ANO1: variants seen among roughly 807,000 people sequenced by gnomAD.
ANO1 encodes anoctamin-1.
In ANO1, 59 loss-of-function variants were observed where a neutral mutation model predicts 124.0. That is an observed-to-expected ratio of 0.48 (90% CI 0.39 to 0.59). The LOEUF (loss-of-function observed/expected upper bound fraction) is 0.59. Among genes scored for constraint, ANO1 ranks in the 20% least tolerant of loss-of-function variants. ANO1 has a pLI of 0.00. For synonymous variants in ANO1, 529 were observed against 532.0 expected (o/e 0.99, Z 0.08); for missense variants, 1,059 against 1,328.0 (o/e 0.80, Z 3.15).
intron 22 of ANO1, among the ~76,000 whole-genome samples, chr11:70,175,530 A>T (rs999519645): frequency 6.6e-6 from 1 of 152,232 alleles, no homozygotes; most frequent in Non-Finnish European, 1.5e-5. Flanking sequence ...CCTGTCGTCC[A>T]GCGGGTCACA....
chr11:70,061,047 G>C (rs144863315), intron 1 of ANO1, among the ~76,000 whole-genome samples: 16 of 152,296 alleles, frequency 1.1e-4, no homozygotes, highest in African/African-American at 3.9e-4. Flanking sequence ...CAACGCCTAA[G>C]AACTAAAGAA....
intron 2 of ANO1, among the ~76,000 whole-genome samples, chr11:70,090,302 T>A (rs1262203103): frequency 6.6e-6 from 1 of 152,192 alleles, no homozygotes; most frequent in Non-Finnish European, 1.5e-5. Context: ...CCACCGCGCC[T>A]GGCCCCTCCC....
chr11:70,068,186 A>G (rs1257572035), intron 1 of ANO1, among the ~76,000 whole-genome samples: 2 of 152,148 alleles, frequency 1.3e-5, no homozygotes, highest in Non-Finnish European at 2.9e-5. Flanking sequence ...TGTTAAGACA[A>G]CAACTCCATC....
At chr11:69,974,659 A>G in the ANO1 span, among the ~76,000 whole-genome samples, 1 of 152,148 alleles carries the variant, frequency 6.6e-6, no homozygotes, top group Non-Finnish European at 1.5e-5. Context: ...ACCTCCCCAC[A>G]TTGTCTCTGA....
chr11:70,070,794 G>A lies in ANO1; in HGVS notation c.59-7748G>A, dbSNP rs575737302. 2.0e-5 allele frequency among the ~76,000 whole-genome samples: 3 copies of A among 152,340 alleles called. No individual in the cohort carries two copies. In the South Asian group the frequency reaches 6.2e-4, roughly 32 times the overall value. ...ACTTGAGCGAATGAATGAGTATGTA[G>A]CTGAATGAACCCCTCACTCTACCAG... On this transcript the variant is annotated intron_variant, in intron 1 of 27. Transcript: ENST00000531349.
intron 1 of ANO1, among the ~76,000 whole-genome samples, chr11:70,024,316 G>T (rs1432415459): frequency 6.6e-6 from 1 of 152,198 alleles, no homozygotes; most frequent in African/African-American, 2.4e-5. Context: ...ATCTGGAGCG[G>T]GGGGACACAT....
Position 70,163,297 on chromosome 11 carries a change from C to A in ANO1, c.1907C>A (p.Pro636Gln). ...AFFKGRFVGR[P>Q]GDYVYIFRSF... ...CATCGTTTCAGGTTTGTTGGACGCC[C>A]GGGCGACTACGTGTACATTTTCCGT... Residue 636 changes from proline to glutamine, a missense_variant, in exon 19 of 26, where the codon CCG (proline) becomes CAG (glutamine). Pro to Gln is a moderately conservative substitution (Grantham distance 76). Around this residue, in one of 2 missense-constraint regions of ANO1, gnomAD observed 809 missense variants for 1,094.9 expected, o/e 0.74. Transcript: ENST00000355303. 1 of 1,613,772 alleles carries A rather than the reference C, an allele frequency of 6.2e-7. No individual in the cohort carries two copies. The highest frequency in any genetic ancestry group is 8.5e-7 in the Non-Finnish European group (1 of 1,179,868).
intron 1 of ANO1, among the ~76,000 whole-genome samples, chr11:70,087,108 G>A (rs1254986680): frequency 6.6e-6 from 1 of 152,178 alleles, no homozygotes; most frequent in Admixed American, 6.5e-5. Context: ...TTTGTTGCTG[G>A]GGGATATTTT....
intron 11 of ANO1, among the ~76,000 whole-genome samples, chr11:70,139,868 G>A (rs2047085346): frequency 6.6e-6 from 1 of 152,198 alleles, no homozygotes; most frequent in Non-Finnish European, 1.5e-5. Context: ...TACTCCGCGG[G>A]CATTACTAAC....
chr11:70,144,199 G>A (rs991889877), intron 11 of ANO1, among the ~76,000 whole-genome samples: 1 of 152,138 alleles, frequency 6.6e-6, no homozygotes, highest in African/African-American at 2.4e-5. Flanking sequence ...ACAAAATGTA[G>A]CCTCTGTCCT....
chr11:69,986,661 A>G (rs1856048934), intron 1 of ANO1, among the ~76,000 whole-genome samples: 1 of 150,700 alleles, frequency 6.6e-6, no homozygotes, highest in African/African-American at 2.5e-5. Context: ...ACTGAGAGGA[A>G]CTTAGAGAGC....
At chr11:70,127,150 G>A in intron 10 of ANO1, among the ~76,000 whole-genome samples, 1 of 149,380 alleles carries the variant, frequency 6.7e-6, no homozygotes, top group Non-Finnish European at 1.5e-5. Flanking sequence ...AACGCTAGAG[G>A]CTTCGGTGCA....
chr11:70,028,351 T>C (rs1288670344), intron 1 of ANO1, among the ~76,000 whole-genome samples: 1 of 152,196 alleles, frequency 6.6e-6, no homozygotes, highest in Non-Finnish European at 1.5e-5. Flanking sequence ...CCTCAGTCCA[T>C]GTCCGGATGT....
intron 22 of ANO1, among the ~76,000 whole-genome samples, chr11:70,173,586 T>A (rs140988234): frequency 5.1e-4 from 78 of 152,116 alleles, no homozygotes; most frequent in African/African-American, 1.8e-3. Context: ...AAGGGTAGAG[T>A]GCTGATTTGC....
intron 1 of ANO1, among the ~76,000 whole-genome samples, chr11:70,053,490 C>T (rs962294355): frequency 5.9e-5 from 9 of 152,212 alleles, no homozygotes; most frequent in Non-Finnish European, 1.0e-4. Context: ...GTAGCACCTA[C>T]CAAGATGATC....
chr11:69,966,708 C>G, the ANO1 span, among the ~76,000 whole-genome samples: 3 of 152,184 alleles, frequency 2.0e-5, no homozygotes, highest in Admixed American at 6.5e-5. Context: ...CACTTGCTGT[C>G]AACCCTGCCT....
chr11:70,049,993 A>G (rs782242511), intron 1 of ANO1, among the ~76,000 whole-genome samples: 1 of 152,340 alleles, frequency 6.6e-6, no homozygotes, highest in Non-Finnish European at 1.5e-5. Context: ...AGCTGGGATT[A>G]CAGGCGTGAG....
chr11:70,095,427 A>AAAGAAAGAAAAG lies in ANO1; in HGVS notation c.441+7345_441+7346insGAAAGAAAAGAA, dbSNP rs10667749. ...GAAAGAAAGAAAGAAAGAAAGAAAG[A>AAAGAAAGAAAAG]AAAGAAAAGAAAGAAAGAGGGAAAG... On this transcript the variant is annotated intron_variant, in intron 2 of 25. Coordinates refer to ENST00000355303, the MANE Select transcript of ANO1 (RefSeq NM_018043.7). Among the ~76,000 whole-genome samples, 50 of 30,690 alleles carry AAAGAAAGAAAAG rather than the reference A, an allele frequency of 1.6e-3. 4 individuals are homozygous for AAAGAAAGAAAAG. Among genetic ancestry groups the AAAGAAAGAAAAG allele is most frequent in the African/African-American group, 5.8e-3 (49 of 8,484 alleles). 20.1% of individuals were successfully genotyped at this position (30,690 alleles called of 152,430 possible). A position where few individuals can be genotyped will look rare whatever the true frequency, so the allele number is the denominator to read the frequency against.
rs1565193416 is a variant in ANO1, at chr11:70,095,308, GAAAGA to G, written c.441+7227_441+7231del. On this transcript the variant is annotated intron_variant, in intron 2 of 25. Transcript: ENST00000355303. ...GGAAGGAAGGAAGGAAGGAAAGAAAGAAAGAAAGAAAGGAAAGAAAGAAAGGAAAG... is the reference window on the plus strand; with the variant it reads ...GGAAGGAAGGAAGGAAGGAAAGAAAGAAGAAAGGAAAGAAAGAAAGGAAAG... Among the ~76,000 whole-genome samples the G allele has an allele frequency of 1.9e-4, 19 of 102,348 alleles. 1 individual carries two copies. Among genetic ancestry groups the G allele is most frequent in the African/African-American group, 7.9e-4 (19 of 23,944 alleles). 67.1% of individuals were successfully genotyped at this position (102,348 alleles called of 152,430 possible).
Sources: allele counts gnomAD v4.1 joint callset (sites outside exome capture counted in the v4.1 genomes callset), GRCh38; gene constraint gnomAD v4.1.1; regional missense constraint gnomAD v4.1.1; transcripts MANE v1.5; gene names NCBI Gene and HGNC (gene_info 2026-07-23, HGNC 2026-07-21).